The following ELFN2 variants were observed in gnomAD, a reference collection of about 807,000 sequenced individuals.
ELFN2 encodes extracellular leucine rich repeat and fibronectin type III domain containing 2, also known as protein phosphatase 1 regulatory subunit 29.
ELFN2 carries 17 observed loss-of-function variants against 45.5 expected under a neutral mutation model. The ratio of observed to expected loss-of-function variants is 0.37; its 90% CI spans 0.26 to 0.56. ELFN2 has a LOEUF of 0.56. ELFN2 is among the 20% of genes least tolerant of loss of function. The probability of loss-of-function intolerance (pLI) is 0.77; values close to 1 mark genes in which losing one functional copy is unlikely to be tolerated. For missense variants in ELFN2, 922 were observed against 1,183.2 expected, an observed-to-expected ratio of 0.78 and a Z score of 3.24; for synonymous variants, 550 against 551.5, an observed-to-expected ratio of 1.00 and a Z score of 0.04.
intron 1 of ELFN2, among the ~76,000 whole-genome samples, chr22:37,420,735 G>C (rs1201915659): frequency 6.6e-6 from 1 of 152,186 alleles, no homozygotes; most frequent in South Asian, 2.1e-4. Flanking sequence ...TTTAATGAGG[G>C]ACTCCTTAAA....
chr22:37,343,301 G>A (rs555746365), intron 1 of ELFN2, among the ~76,000 whole-genome samples: 4 of 152,128 alleles, frequency 2.6e-5, no homozygotes, highest in African/African-American at 4.8e-5. Flanking sequence ...CTGCTCCCCC[G>A]CCCCTATGCC....
At chr22:37,385,020 G>C (rs939716568) in intron 2 of ELFN2, 1 of 152,426 alleles carries the variant, frequency 6.6e-6, no homozygotes, top group African/African-American at 2.4e-5. Flanking sequence ...CCTCCCCCAG[G>C]GTCCCAAGGG....
At chr22:37,407,136 T>C (rs1037250710) in intron 2 of ELFN2, among the ~76,000 whole-genome samples, 2 of 151,904 alleles carry the variant, frequency 1.3e-5, no homozygotes, top group East Asian at 1.9e-4. Context: ...TGTGTGTGCG[T>C]GTGTGTGTGT....
intron 1 of ELFN2, among the ~76,000 whole-genome samples, chr22:37,424,885 GGAGGTGA>G (rs1447911577): frequency 1.3e-5 from 2 of 152,108 alleles, no homozygotes; most frequent in African/African-American, 4.8e-5. Context: ...TAGGGGGATA[GGAGGTGA>G]GAGGACAGAG....
chr22:37,394,462 C>G (rs1361494171), intron 2 of ELFN2, among the ~76,000 whole-genome samples: 1 of 152,208 alleles, frequency 6.6e-6, no homozygotes, highest in Non-Finnish European at 1.5e-5. Context: ...CTGGCCCGGC[C>G]GCCTGTTCCA....
chr22:37,381,288 T>C (rs553599938), intron 2 of ELFN2, among the ~76,000 whole-genome samples: 1 of 149,198 alleles, frequency 6.7e-6, no homozygotes. Flanking sequence ...GGGCGGGACA[T>C]GCACTGAGCC....
intron 2 of ELFN2, among the ~76,000 whole-genome samples, chr22:37,408,150 A>G (rs1480327363): frequency 2.6e-5 from 4 of 152,146 alleles, no homozygotes; most frequent in Non-Finnish European, 5.9e-5. Context: ...TAGCCCACAC[A>G]TTTATACATA....
chr22:37,391,138 G>A lies in ELFN2; in HGVS notation c.-462-15142C>T, dbSNP rs192302802. Among the ~76,000 whole-genome samples, 197 of 152,348 alleles carry A rather than the reference G, an allele frequency of 1.3e-3. 1 individual carries two copies. The highest frequency in any genetic ancestry group is 4.6e-3 in the African/African-American group (193 of 41,588). On this transcript the variant is annotated intron_variant, in intron 2 of 2. Transcript: ENST00000402918. Reference sequence around the variant, plus strand: ...GCCAGGCCTTCTGGTTGGGGCTCTGGTGGGGATGACAGGGAGATGAATGGG... The same window carrying A: ...GCCAGGCCTTCTGGTTGGGGCTCTGATGGGGATGACAGGGAGATGAATGGG...
intron 2 of ELFN2, among the ~76,000 whole-genome samples, chr22:37,389,415 C>T (rs936031524): frequency 1.3e-5 from 2 of 152,304 alleles, no homozygotes; most frequent in African/African-American, 2.4e-5. Context: ...TACTCACCAG[C>T]GATTAGCTGG....
rs562820108 is a variant in ELFN2 at position 37,352,141 on chromosome 22, C to T, written n.149-9438G>A. Reference sequence around the variant, plus strand: ...ACCCCATGCCCTACCCTATGGGTGCCATAAGTCCGCAAGGTTCAAGGACGC... The same window carrying T: ...ACCCCATGCCCTACCCTATGGGTGCTATAAGTCCGCAAGGTTCAAGGACGC... On this transcript the variant is annotated intron_variant and non_coding_transcript_variant, in intron 1 of 2. Transcript: ENST00000452946. 7.9e-4 allele frequency: 119 copies of T among 151,294 alleles called. 5 individuals carry two copies. Among genetic ancestry groups the T allele is most frequent in the African/African-American group, 2.8e-3 (116 of 41,528 alleles). 9.4% of individuals were successfully genotyped at this position (151,294 alleles called of 1,614,324 possible). A position where few individuals can be genotyped will look rare whatever the true frequency, so the allele number is the denominator to read the frequency against.
intron 2 of ELFN2, among the ~76,000 whole-genome samples, chr22:37,414,492 G>T (rs1043720287): frequency 1.3e-5 from 2 of 152,190 alleles, no homozygotes; most frequent in Non-Finnish European, 2.9e-5. Flanking sequence ...CAGCAGCTGT[G>T]AGCATTATTA....
chr22:37,373,602 G>A lies in ELFN2; in HGVS notation c.1933C>T (p.Leu645=). 6.2e-7 allele frequency: 1 copy of A among 1,607,770 alleles called. No homozygotes were observed. Among genetic ancestry groups the A allele is most frequent in the South Asian group, 1.1e-5 (1 of 90,418 alleles). ...GSIKSAKVFS[L]DVPDHPAATG... Reference sequence around the variant, plus strand: ...GCGGCCGGATGGTCGGGCACGTCCAGGCTAAAGACCTTGGCGCTCTTGATG... The same window carrying A: ...GCGGCCGGATGGTCGGGCACGTCCAAGCTAAAGACCTTGGCGCTCTTGATG... The change falls in exon 3 of 3, where the codon CTG becomes TTG. Residue 645 remains leucine, a synonymous_variant. Coordinates refer to ENST00000402918, the MANE Select transcript of ELFN2 (RefSeq NM_052906.5).
At chr22:37,341,236 C>T (rs946369105) in intron 2 of ELFN2, among the ~76,000 whole-genome samples, 2 of 152,130 alleles carry the variant, frequency 1.3e-5, no homozygotes, top group Non-Finnish European at 2.9e-5. Context: ...CTGAGGCTCG[C>T]ATGGCAGGGG....
At chr22:37,419,946 C>G (rs1932796494) in intron 1 of ELFN2, among the ~76,000 whole-genome samples, 1 of 152,178 alleles carries the variant, frequency 6.6e-6, no homozygotes, top group Non-Finnish European at 1.5e-5. Context: ...GGTCGCTTTC[C>G]GATCCCGGGC....
chr22:37,408,092 G>A (rs957126535), intron 2 of ELFN2, among the ~76,000 whole-genome samples: 1 of 152,158 alleles, frequency 6.6e-6, no homozygotes, highest in African/African-American at 2.4e-5. Flanking sequence ...TCTCCAGGCC[G>A]GGTGTGTGCA....
chr22:37,377,719 G>C (rs1480939567), intron 2 of ELFN2, among the ~76,000 whole-genome samples: 1 of 152,200 alleles, frequency 6.6e-6, no homozygotes, highest in Non-Finnish European at 1.5e-5. Flanking sequence ...CTGAGGCCAG[G>C]CTCACACCTC....
At chr22:37,360,842 AG>A (rs1201069265) in intron 1 of ELFN2, among the ~76,000 whole-genome samples, 6 of 152,230 alleles carry the variant, frequency 3.9e-5, no homozygotes, top group Non-Finnish European at 8.8e-5. Context: ...CGTACAAGGC[AG>A]AACAAAAATG....
At chr22:37,405,443 T>G (rs931331335) in intron 2 of ELFN2, among the ~76,000 whole-genome samples, 1 of 152,014 alleles carries the variant, frequency 6.6e-6, no homozygotes, top group African/African-American at 2.4e-5. Flanking sequence ...ATCAACCCCA[T>G]GGCTCATGGG....
At chr22:37,397,126 C>T (rs12628460) in intron 2 of ELFN2, among the ~76,000 whole-genome samples, 39,527 of 151,916 alleles carry the variant, frequency 0.26, 5,330 homozygotes, top group Middle Eastern at 0.35. Flanking sequence ...GGAAGCCTTC[C>T]TTGAATCCCT....
Sources: gnomAD v4.1 joint callset for allele counts (sites outside exome capture counted in the v4.1 genomes callset) on GRCh38, gnomAD v4.1.1 for gene constraint, MANE v1.5 for transcripts, NCBI Gene and HGNC (gene_info 2026-07-23, HGNC 2026-07-21) for gene names.